The following FLT3 variants were observed in gnomAD, a reference collection of about 807,000 sequenced individuals.
The protein encoded by FLT3 is receptor-type tyrosine-protein kinase FLT3.
In FLT3, 46 loss-of-function variants were observed where a neutral mutation model predicts 126.6. That is an observed-to-expected ratio of 0.36 (90% CI 0.29 to 0.46). The LOEUF (loss-of-function observed/expected upper bound fraction) is 0.46, where lower values mean the gene tolerates loss of function less well. Ranked by LOEUF, FLT3 falls within the 20% of genes least tolerant of loss-of-function variation. The probability of loss-of-function intolerance (pLI) is 1.00; values close to 1 mark genes in which losing one functional copy is unlikely to be tolerated. For synonymous variants in FLT3, 404 were observed against 434.4 expected (o/e 0.93, Z 0.87); for missense variants, 1,069 against 1,190.3 (o/e 0.90, Z 1.50).
At chr13:28,044,782 T>G (rs965527351) in intron 9 of FLT3, among the ~76,000 whole-genome samples, 1 of 152,026 alleles carries the variant, frequency 6.6e-6, no homozygotes, top group Non-Finnish European at 1.5e-5. Flanking sequence ...GAGTACTGGG[T>G]GTTGTGCTAA....
chr13:28,090,330 A>G (rs1413033591), intron 1 of FLT3, among the ~76,000 whole-genome samples: 1 of 150,978 alleles, frequency 6.6e-6, no homozygotes, highest in Non-Finnish European at 1.5e-5. Context: ...GCCACTGTGC[A>G]CCACCATGAG....
rs1335427779 is a variant in FLT3 at position 28,034,359 on chromosome 13, C to T, written c.1646G>A (p.Gly549Asp). 1.9e-6 allele frequency: 3 copies of T among 1,613,970 alleles called. No homozygotes were observed. Among genetic ancestry groups the T allele is most frequent in the East Asian group, 2.2e-5 (1 of 44,886 alleles). The change falls in exon 13 of 24, where the codon GGT becomes GAT. Residue 549 changes from glycine to aspartate, a missense_variant. Gly to Asp is a moderately conservative substitution (Grantham distance 94, BLOSUM62 -1). Coordinates refer to ENST00000241453, the MANE Select transcript of FLT3 (RefSeq NM_004119.3). The part of the protein sequence containing the change: ...QDNISFYATI[G>D]VCLLFIVVLT... ...AACGACAATGAAGAGGAGACAAACA[C>T]CAATTGTTGCATAGAATGAGATGTT...
At chr13:28,050,828 A>G (rs1875377719) in intron 5 of FLT3, among the ~76,000 whole-genome samples, 1 of 79,134 alleles carries the variant, frequency 1.3e-5, no homozygotes, top group African/African-American at 3.0e-5. Flanking sequence ...TTCTCCTTCT[A>G]TTTGGTCCTA....
At position 28,057,629 on chromosome 13, in the gene FLT3, G is replaced by A. The variant is rs369091965; in HGVS notation, c.369-167C>T. ...GTCATGTGCCCAGCACTCAGCCTGG[G>A]CGTTGCTCGTTGAACCCTGACTTTT... On this transcript the variant is annotated intron_variant, in intron 3 of 23. Coordinates refer to ENST00000241453, the MANE Select transcript of FLT3 (RefSeq NM_004119.3). Among the ~76,000 whole-genome samples the A allele has an allele frequency of 4.6e-5, 7 of 152,332 alleles. No individual in the cohort carries two copies. The East Asian group carries it at 1.2e-3, about 25-fold the overall frequency.
At chr13:28,097,891 C>A (rs1422041855) in intron 1 of FLT3, among the ~76,000 whole-genome samples, 1 of 152,140 alleles carries the variant, frequency 6.6e-6, no homozygotes, top group Non-Finnish European at 1.5e-5. Flanking sequence ...AGTATCATAG[C>A]TCTTAAAATA....
In FLT3 at chr13:28,004,140, C is replaced by T. The variant is rs761305303; in HGVS notation, c.2894G>A (p.Cys965Tyr). 6.2e-7 allele frequency: 1 copy of T among 1,613,950 alleles called. No individual in the cohort carries two copies. The highest frequency in any genetic ancestry group is 1.3e-5 in the African/African-American group (1 of 74,910). ...YQNVDGRVSE[C>Y]PHTYQNRRPF... ...TCGCCTGTTTTGGTAGGTGTGAGGA[C>T]ATTCCGAAACACGGCCATCCACATT... is the stretch of plus-strand genomic sequence containing the variant. The change falls in exon 24 of 24, where the codon TGT (cysteine) becomes TAT (tyrosine). Residue 965 changes from cysteine (C) to tyrosine (Y), a missense_variant. Transcript: ENST00000241453.
chr13:28,021,774 ACT>A (rs1872410574), intron 19 of FLT3, among the ~76,000 whole-genome samples: 1 of 149,838 alleles, frequency 6.7e-6, no homozygotes, highest in Non-Finnish European at 1.5e-5. Flanking sequence ...ACAGAGTCTC[ACT>A]CTGTCGCCCA....
Position 28,100,082 on chromosome 13 carries a change from G to T in FLT3, c.43+386C>A, listed in dbSNP as rs1479406808. Reference sequence around the variant, plus strand: ...AGGGCCGGGCCAGGAGAGGTCCTTGGCCACCTGGCGCCGAGTTCGCGGCCG... The same window carrying T: ...AGGGCCGGGCCAGGAGAGGTCCTTGTCCACCTGGCGCCGAGTTCGCGGCCG... On this transcript the variant is annotated intron_variant, in intron 1 of 23. Coordinates refer to ENST00000241453, the MANE Select transcript of FLT3 (RefSeq NM_004119.3). This position sits in a 1 kb window ranked among gnomAD's most constrained non-coding sequence, Gnocchi z 4.8. 6.6e-6 allele frequency among the ~76,000 whole-genome samples: 1 copy of T among 152,116 alleles called. No individual in the cohort carries two copies. The highest frequency in any genetic ancestry group is 1.5e-5 in the Non-Finnish European group (1 of 68,020).
chr13:28,072,439 G>A (rs998971049), intron 1 of FLT3, among the ~76,000 whole-genome samples: 3 of 151,672 alleles, frequency 2.0e-5, no homozygotes, highest in East Asian at 3.9e-4. Context: ...ATCTGTTGCC[G>A]AGGCTGGAGT....
intron 9 of FLT3, among the ~76,000 whole-genome samples, chr13:28,046,748 A>C (rs950458552): frequency 1.3e-5 from 2 of 151,990 alleles, no homozygotes; most frequent in Non-Finnish European, 2.9e-5. Context: ...GGTGTACACC[A>C]CCACACTCAA....
chr13:28,073,332 A>ACAG (rs1368684794), intron 1 of FLT3: 1 of 355,292 alleles, frequency 2.8e-6, no homozygotes, highest in Non-Finnish European at 5.5e-6. Context: ...CCTGGGTGAC[A>ACAG]CAGTGAGACC....
chr13:28,074,312 T>C (rs1054220629), intron 1 of FLT3, among the ~76,000 whole-genome samples: 1 of 152,198 alleles, frequency 6.6e-6, no homozygotes, highest in Middle Eastern at 3.2e-3. Context: ...TTTTAATCTA[T>C]TCACCTGTGG....
intron 3 of FLT3, among the ~76,000 whole-genome samples, chr13:28,060,466 T>TAA (rs10629301): frequency 0.57 from 76,708 of 134,978 alleles, 22,021 homozygotes; most frequent in East Asian, 0.75. Context: ...TAAAAATATT[T>TAA]AAAAAAAAAA....
chr13:28,015,778 G>T, intron 20 of FLT3, 77 bp from the exon 21 acceptor site: 1 of 846,098 alleles, frequency 1.2e-6, no homozygotes. Context: ...GTATTAAGAT[G>T]AAATGCATCA....
chr13:28,100,552 C>G lies in FLT3; in HGVS notation c.-42G>C, dbSNP rs1157583060. ...GGTCCCCAGGCCGCGCCGGCCCAGC[C>G]CTGCGATGCCGCCTGGAGCGGCGCG... On this transcript the variant is annotated 5_prime_UTR_variant, in exon 1 of 24. Coordinates refer to ENST00000241453, the MANE Select transcript of FLT3 (RefSeq NM_004119.3). This position sits in a 1 kb window ranked among gnomAD's most constrained non-coding sequence, Gnocchi z 4.8. 1 of 1,190,236 alleles carries G rather than the reference C, an allele frequency of 8.4e-7. No homozygotes were observed. Among genetic ancestry groups the G allele is most frequent in the Non-Finnish European group, 1.0e-6 (1 of 955,886 alleles). The allele number at this position is 1,190,236 out of a possible 1,614,324, so 73.7% of individuals were successfully genotyped here.
intron 23 of FLT3, among the ~76,000 whole-genome samples, chr13:28,011,681 C>CCTTCCTTCCTTCCTTCCTTCCT (rs1156727756): frequency 6.2e-5 from 1 of 16,032 alleles, no homozygotes; most frequent in Admixed American, 7.5e-4. Flanking sequence ...CCTTCCTTCC[C>CCTTCCTTCCTTCCTTCCTTCCT]TCCTCCTTCC....
At position 28,061,947 on chromosome 13, in the gene FLT3, G is replaced by T; in HGVS notation, c.288C>A (p.Asp96Glu). 1 of 1,613,996 alleles carries T rather than the reference G, an allele frequency of 6.2e-7. No homozygotes were observed. Among genetic ancestry groups the T allele is most frequent in the Non-Finnish European group, 8.5e-7 (1 of 1,179,974 alleles). Reference protein sequence around the residue: ...SASITLQVLVDAPGNISCLWV... With the variant: ...SASITLQVLVEAPGNISCLWV... ...AGAGACAGGAAATGTTCCCTGGGGC[G>T]TCGACCAGCACTTGCAGTGTGATGG... Residue 96 changes from aspartate (D) to glutamate (E), a missense_variant, in exon 3 of 24, where the codon GAC becomes GAA. Physicochemically the swap from Asp to Glu is conservative, Grantham distance 45 (BLOSUM62 2). Coordinates refer to ENST00000241453, the MANE Select transcript of FLT3 (RefSeq NM_004119.3).
intron 19 of FLT3, among the ~76,000 whole-genome samples, chr13:28,021,344 C>A (rs1006237565): frequency 2.6e-5 from 4 of 152,228 alleles, no homozygotes; most frequent in Non-Finnish European, 5.9e-5. Context: ...GAGCTGAGAT[C>A]ACACCCCTGC....
Position 28,029,870 on chromosome 13 carries a change from T to C in FLT3, c.1943-1582A>G, listed in dbSNP as rs76428106. On this transcript the variant is annotated intron_variant, in intron 15 of 23. Coordinates refer to ENST00000241453, the MANE Select transcript of FLT3 (RefSeq NM_004119.3). Reference sequence around the variant, plus strand: ...CAGATAGCTCAGCAAACTGTACTTATAAGCTGACTTAGAAGCACAGTGTGA... The same window carrying C: ...CAGATAGCTCAGCAAACTGTACTTACAAGCTGACTTAGAAGCACAGTGTGA... Among the ~76,000 whole-genome samples the C allele has an allele frequency of 1.0e-2, 1,522 of 152,348 alleles. 14 individuals are homozygous for C. Among genetic ancestry groups the C allele is most frequent in the Non-Finnish European group, 0.015 (1,031 of 68,042 alleles).
Sources: allele counts gnomAD v4.1 joint callset (sites outside exome capture counted in the v4.1 genomes callset), GRCh38; gene constraint gnomAD v4.1.1; non-coding constraint Gnocchi (gnomAD v3.1); transcripts MANE v1.5; gene names NCBI Gene and HGNC (gene_info 2026-07-23, HGNC 2026-07-21).